The following ZRANB3 variants were observed in gnomAD, a reference collection of about 807,000 sequenced individuals.
The protein encoded by ZRANB3 is DNA annealing helicase and endonuclease ZRANB3.
A neutral mutation model predicts 133.8 loss-of-function variants in ZRANB3; 125 were observed. The ratio of observed to expected loss-of-function variants is 0.93; its 90% confidence interval spans 0.81 to 1.08. ZRANB3 has a LOEUF of 1.08. ZRANB3 is among the 50% of genes least tolerant of loss of function. The pLI, the probability that ZRANB3 is intolerant of heterozygous loss-of-function variation, is 0.00. For synonymous variants in ZRANB3, 387 were observed against 432.7 expected, an observed-to-expected ratio of 0.89 and a Z score of 1.31; for missense variants, 1,229 against 1,275.5, an observed-to-expected ratio of 0.96 and a Z score of 0.56.
intron 3 of ZRANB3, among the ~76,000 whole-genome samples, chr2:135,359,395 G>A (rs6759411): frequency 0.032 from 4,841 of 152,036 alleles, 250 homozygotes; most frequent in African/African-American, 0.11. Flanking sequence ...ACCAGTTTGG[G>A]CAACAGAGAG....
At chr2:135,244,057 ATATTT>A (rs1573747118) in intron 12 of ZRANB3, among the ~76,000 whole-genome samples, 2 of 150,898 alleles carry the variant, frequency 1.3e-5, no homozygotes, top group South Asian at 2.1e-4. Context: ...GTCCTATTCT[ATATTT>A]TAAAGAATCT....
At chr2:135,289,924 C>A (rs1429446347) in intron 8 of ZRANB3, among the ~76,000 whole-genome samples, 1 of 152,082 alleles carries the variant, frequency 6.6e-6, no homozygotes, top group Non-Finnish European at 1.5e-5. Flanking sequence ...CAAAAACATT[C>A]GATTTTCTGA....
chr2:135,228,995 T>C (rs572819628), intron 13 of ZRANB3, among the ~76,000 whole-genome samples: 172 of 152,336 alleles, frequency 1.1e-3, no homozygotes, highest in Non-Finnish European at 2.1e-3. Context: ...ATGACTTTTG[T>C]TGCTAAATCA....
intron 20 of ZRANB3, 44 bp downstream of exon 20, chr2:135,202,788 G>T: frequency 6.4e-7 from 1 of 1,559,576 alleles, no homozygotes; most frequent in South Asian, 1.2e-5. Context: ...TTTTCCATTT[G>T]ACTTCTCAGG....
chr2:135,502,435 A>G (rs1465925056), intron 2 of ZRANB3, among the ~76,000 whole-genome samples: 1 of 152,232 alleles, frequency 6.6e-6, no homozygotes, highest in Admixed American at 6.5e-5. Context: ...GAAAAAGGGA[A>G]AAGGCATTTT....
intron 2 of ZRANB3, among the ~76,000 whole-genome samples, chr2:135,449,147 A>T (rs929526575): frequency 6.6e-6 from 1 of 152,194 alleles, no homozygotes; most frequent in Non-Finnish European, 1.5e-5. Context: ...AAAGAGATCA[A>T]ATGAGGGTGT....
chr2:135,358,790 T>C (rs1271458193), intron 3 of ZRANB3, among the ~76,000 whole-genome samples: 2 of 152,154 alleles, frequency 1.3e-5, no homozygotes, highest in Admixed American at 6.6e-5. Context: ...CATTTTTTGA[T>C]GTTTACATGC....
chr2:135,326,128 CA>C (rs1016525644), intron 6 of ZRANB3, among the ~76,000 whole-genome samples: 8 of 152,058 alleles, frequency 5.3e-5, no homozygotes, highest in Non-Finnish European at 1.0e-4. Context: ...AAAAGAACCC[CA>C]AAAAACAGTA....
At chr2:135,356,808 A>C (rs1214115440) in intron 3 of ZRANB3, among the ~76,000 whole-genome samples, 1 of 151,938 alleles carries the variant, frequency 6.6e-6, no homozygotes, top group Non-Finnish European at 1.5e-5. Context: ...GGGCTCAAGC[A>C]ATCCTCCTAG....
intron 2 of ZRANB3, among the ~76,000 whole-genome samples, chr2:135,483,199 C>G (rs7577361): frequency 1.3e-5 from 2 of 150,702 alleles, no homozygotes; most frequent in African/African-American, 4.9e-5. Context: ...ATGGTACCAG[C>G]TCCTCCTTGT....
intron 2 of ZRANB3, among the ~76,000 whole-genome samples, chr2:135,413,669 A>C (rs1406844056): frequency 6.6e-6 from 1 of 152,156 alleles, no homozygotes; most frequent in Non-Finnish European, 1.5e-5. Context: ...GTCTACTTTA[A>C]GCTTTTACAG....
rs80314974 is a variant in ZRANB3 at position 135,474,459 on chromosome 2, C to T, written c.161+29870G>A. On this transcript the variant is annotated intron_variant, in intron 2 of 20. Transcript: ENST00000264159. ...AATCTGGCTCATGGGGGTGTGGTGCCCTCCCCACAGTTAGAAGTGAGTTCT... is the reference window on the plus strand; with the variant it reads ...AATCTGGCTCATGGGGGTGTGGTGCTCTCCCCACAGTTAGAAGTGAGTTCT... 3.9e-4 allele frequency among the ~76,000 whole-genome samples: 59 copies of T among 152,030 alleles called. No individual in the cohort carries two copies. In the East Asian group the frequency reaches 0.011, roughly 28 times the overall value.
At chr2:135,289,055 G>A (rs982484121) in intron 8 of ZRANB3, among the ~76,000 whole-genome samples, 2 of 151,874 alleles carry the variant, frequency 1.3e-5, no homozygotes, top group African/African-American at 2.4e-5. Flanking sequence ...TTTTGATGCC[G>A]GCATTTAATG....
At chr2:135,363,097 C>T (rs1368911638) in intron 3 of ZRANB3, among the ~76,000 whole-genome samples, 2 of 152,194 alleles carry the variant, frequency 1.3e-5, no homozygotes, top group Non-Finnish European at 2.9e-5. Flanking sequence ...GGCTGTTCTA[C>T]ACTTCAAAAG....
At chr2:135,287,451 G>A (rs1291389193) in intron 8 of ZRANB3, among the ~76,000 whole-genome samples, 4 of 152,046 alleles carry the variant, frequency 2.6e-5, no homozygotes, top group Admixed American at 2.6e-4. Context: ...TTCTACTTCT[G>A]TGAAGAATGA....
chr2:135,271,190 A>G (rs1037051497), intron 10 of ZRANB3: 29 of 373,576 alleles, frequency 7.8e-5, no homozygotes, highest in Non-Finnish European at 1.5e-4. Context: ...GAGAAGGGGT[A>G]TAGGTCCTAA....
At chr2:135,265,498 A>G (rs1334533042) in intron 12 of ZRANB3, 36 bp downstream of exon 12, 2 of 1,463,490 alleles carry the variant, frequency 1.4e-6, no homozygotes, top group Non-Finnish European at 1.8e-6. Flanking sequence ...TCAGGATACT[A>G]AAAAAAATAG....
At chr2:135,465,278 C>G (rs59575672) in intron 2 of ZRANB3, among the ~76,000 whole-genome samples, 9,368 of 133,762 alleles carry the variant, frequency 0.07, 157 homozygotes, top group South Asian at 0.17. Flanking sequence ...CCCCTTAACT[C>G]ATGGTTACCT....
chr2:135,374,866 A>C (rs1019713440), intron 3 of ZRANB3, among the ~76,000 whole-genome samples: 1 of 152,184 alleles, frequency 6.6e-6, no homozygotes, highest in African/African-American at 2.4e-5. Context: ...TCAACAACAA[A>C]AAAAGAAACG....
Sources: gnomAD v4.1 joint callset for allele counts (sites outside exome capture counted in the v4.1 genomes callset) on GRCh38, gnomAD v4.1.1 for gene constraint, MANE v1.5 for transcripts, NCBI Gene and HGNC (gene_info 2026-07-23, HGNC 2026-07-21) for gene names.